Variants in ZFPM2 observed in about 807,000 individuals in gnomAD.
ZFPM2 encodes zinc finger protein, FOG family member 2, also known as zinc finger protein ZFPM2.
ZFPM2 carries 20 observed loss-of-function variants against 98.6 expected under a neutral mutation model. That is an observed-to-expected ratio of 0.20 (90% CI 0.14 to 0.29). The LOEUF (loss-of-function observed/expected upper bound fraction) is 0.29, where lower values mean the gene tolerates loss of function less well. Ranked by LOEUF, ZFPM2 falls within the 10% of genes least tolerant of loss-of-function variation. The probability of loss-of-function intolerance (pLI) is 1.00; values close to 1 mark genes in which losing one functional copy is unlikely to be tolerated. For synonymous variants in ZFPM2, 518 were observed against 502.7 expected (o/e 1.03, Z -0.41); for missense variants, 1,310 against 1,388.6 (o/e 0.94, Z 0.90).
At chr8:105,325,910 A>G (rs1338863667) in intron 1 of ZFPM2, among the ~76,000 whole-genome samples, 2 of 151,810 alleles carry the variant, frequency 1.3e-5, no homozygotes, top group African/African-American at 4.8e-5. Flanking sequence ...GTTTTGGTCA[A>G]GATTTCACAT....
chr8:105,481,880 TCAGCAACAA>T (rs1813126498), intron 3 of ZFPM2, among the ~76,000 whole-genome samples: 1 of 152,156 alleles, frequency 6.6e-6, no homozygotes, highest in African/African-American at 2.4e-5. Flanking sequence ...AATAACATCA[TCAGCAACAA>T]CAGCAACTTA....
At chr8:105,541,567 T>C (rs1300564098) in intron 3 of ZFPM2, among the ~76,000 whole-genome samples, 1 of 152,180 alleles carries the variant, frequency 6.6e-6, no homozygotes, top group African/African-American at 2.4e-5. Flanking sequence ...CAGTACTTTC[T>C]GAGGGAACTG....
chr8:105,353,716 A>G (rs896791023), intron 1 of ZFPM2, among the ~76,000 whole-genome samples: 1 of 152,096 alleles, frequency 6.6e-6, no homozygotes, highest in Non-Finnish European at 1.5e-5. Context: ...TATACTCCTT[A>G]TTTGCTTCTT....
intron 3 of ZFPM2, among the ~76,000 whole-genome samples, chr8:105,462,883 G>C (rs538456514): frequency 6.6e-6 from 1 of 152,004 alleles, no homozygotes; most frequent in African/African-American, 2.4e-5. Flanking sequence ...TCGATTCAAC[G>C]TCCTTGATGA....
At chr8:105,771,729 C>A (rs1411876627) in intron 5 of ZFPM2, among the ~76,000 whole-genome samples, 1 of 152,130 alleles carries the variant, frequency 6.6e-6, no homozygotes, top group Non-Finnish European at 1.5e-5. Context: ...CCCTTCCTAA[C>A]TGAACTGTGA....
At position 105,697,011 on chromosome 8, in the gene ZFPM2, A is replaced by G. The variant is rs184766588; in HGVS notation, c.532+62654A>G. ...AGAATAAAAGAATTAAGCCAAATAT[A>G]TATTCAGATTTTCAACTTTTAAATC... On this transcript the variant is annotated intron_variant, in intron 5 of 7. Transcript: ENST00000407775. 5.8e-3 allele frequency among the ~76,000 whole-genome samples: 884 copies of G among 152,314 alleles called. 5 individuals carry two copies. Among genetic ancestry groups the G allele is most frequent in the Middle Eastern group, 0.01 (3 of 294 alleles).
chr8:105,491,545 C>T (rs892573724), intron 3 of ZFPM2, among the ~76,000 whole-genome samples: 28 of 152,250 alleles, frequency 1.8e-4, no homozygotes, highest in African/African-American at 6.3e-4. Context: ...ATGTTGGCCT[C>T]ATCTTTTTTG....
At chr8:105,517,237 A>G (rs1426417965) in intron 3 of ZFPM2, among the ~76,000 whole-genome samples, 1 of 152,214 alleles carries the variant, frequency 6.6e-6, no homozygotes, top group Non-Finnish European at 1.5e-5. Flanking sequence ...GTAACAAAAT[A>G]TCTTAATGGA....
At chr8:105,403,888 T>C (rs1239921866) in intron 1 of ZFPM2, among the ~76,000 whole-genome samples, 4 of 151,960 alleles carry the variant, frequency 2.6e-5, no homozygotes, top group Non-Finnish European at 5.9e-5. Context: ...TTATTGATAG[T>C]TCCTGGTAAT....
At chr8:105,754,975 TG>T (rs1203360913) in intron 5 of ZFPM2, among the ~76,000 whole-genome samples, 18 of 150,526 alleles carry the variant, frequency 1.2e-4, no homozygotes, top group Admixed American at 9.4e-4. Flanking sequence ...TGTGTGTGTG[TG>T]TGTGTGTGCA....
At chr8:105,635,547 C>A (rs1816831341) in intron 5 of ZFPM2, among the ~76,000 whole-genome samples, 1 of 151,896 alleles carries the variant, frequency 6.6e-6, no homozygotes, top group Non-Finnish European at 1.5e-5. Context: ...ATTTTCTAAC[C>A]CGGAATACCT....
In ZFPM2 at chr8:105,486,609, G is replaced by A. The variant is rs562478253; in HGVS notation, c.301+42228G>A. On this transcript the variant is annotated intron_variant, in intron 3 of 7. Transcript: ENST00000407775. ...CTTTGCTATCAACACCAAACTGTGC[G>A]GGAAAAGAACATCACTGAAATTTAC... Among the ~76,000 whole-genome samples the A allele has an allele frequency of 4.6e-5, 7 of 152,200 alleles. No individual in the cohort carries two copies. In the South Asian group the frequency reaches 1.2e-3, roughly 27 times the overall value.
chr8:105,431,057 C>T (rs1812010195), intron 2 of ZFPM2, among the ~76,000 whole-genome samples: 1 of 152,016 alleles, frequency 6.6e-6, no homozygotes, highest in Non-Finnish European at 1.5e-5. Flanking sequence ...GCGCCCCCCA[C>T]CATGCCTGGA....
chr8:105,472,188 C>G (rs1313774548), intron 3 of ZFPM2, among the ~76,000 whole-genome samples: 2 of 152,122 alleles, frequency 1.3e-5, no homozygotes, highest in Non-Finnish European at 2.9e-5. Context: ...AAGAATCAAA[C>G]TAATAATTAG....
intron 5 of ZFPM2, among the ~76,000 whole-genome samples, chr8:105,727,767 C>T (rs1393178583): frequency 1.3e-5 from 2 of 151,402 alleles, no homozygotes; most frequent in Non-Finnish European, 3.0e-5. Context: ...ATAAATATGC[C>T]AACCATGTGC....
At chr8:105,439,096 A>G (rs1812185945) in intron 2 of ZFPM2, among the ~76,000 whole-genome samples, 1 of 152,196 alleles carries the variant, frequency 6.6e-6, no homozygotes, top group African/African-American at 2.4e-5. Flanking sequence ...TGAATTTTGC[A>G]TAGCACCATA....
rs1191681183 is a variant in ZFPM2, at chr8:105,318,778, G to GCGGCTCCCGGAGGAGCC, written c.-162_-146dup. Reference sequence around the variant, plus strand: ...CTTGCTCATCTCCGAACGTGAATCCGCGGCTCCCGGAGGAGCCCAGCGCCC... The same window carrying GCGGCTCCCGGAGGAGCC: ...CTTGCTCATCTCCGAACGTGAATCCGCGGCTCCCGGAGGAGCCCGGCTCCCGGAGGAGCCCAGCGCCC... On this transcript the variant is annotated 5_prime_UTR_variant, in exon 1 of 8. Transcript: ENST00000407775. The GCGGCTCCCGGAGGAGCC allele has an allele frequency of 1.8e-4, 31 of 176,814 alleles. No individual in the cohort carries two copies. Among genetic ancestry groups the GCGGCTCCCGGAGGAGCC allele is most frequent in the Non-Finnish European group, 2.8e-4 (26 of 92,026 alleles). 11.0% of individuals were successfully genotyped at this position (176,814 alleles called of 1,614,324 possible).
At chr8:105,609,767 A>G (rs1816270259) in intron 4 of ZFPM2, among the ~76,000 whole-genome samples, 1 of 152,210 alleles carries the variant, frequency 6.6e-6, no homozygotes, top group East Asian at 1.9e-4. Context: ...AGTTGAGGAA[A>G]ATATGTTTGT....
At chr8:105,779,095 CT>C (rs1226341589) in intron 5 of ZFPM2, among the ~76,000 whole-genome samples, 1 of 152,050 alleles carries the variant, frequency 6.6e-6, no homozygotes, top group Non-Finnish European at 1.5e-5. Context: ...ATTAGAATAA[CT>C]TGTTATTTTA....
Sources: allele counts gnomAD v4.1 joint callset (sites outside exome capture counted in the v4.1 genomes callset), GRCh38; gene constraint gnomAD v4.1.1; transcripts MANE v1.5; gene names NCBI Gene and HGNC (gene_info 2026-07-23, HGNC 2026-07-21).